Variants in RNF17 observed in about 807,000 individuals in gnomAD.
The protein encoded by RNF17 is spermatogenesis associated 23.
In RNF17, 31 loss-of-function variants were observed where a neutral mutation model predicts 200.5. The observed-to-expected ratio is 0.15, with a 90% confidence interval of 0.12 to 0.21. RNF17 has a LOEUF of 0.21. Among genes scored for constraint, RNF17 ranks in the 10% least tolerant of loss-of-function variants. RNF17 has a pLI of 1.00. For synonymous variants in RNF17, 606 were observed against 637.8 expected (o/e 0.95, Z 0.75); for missense variants, 1,628 against 1,905.1 (o/e 0.85, Z 2.71).
intron 33 of RNF17, among the ~76,000 whole-genome samples, chr13:24,875,319 A>G (rs894125465): frequency 3.9e-5 from 6 of 152,222 alleles, no homozygotes; most frequent in Admixed American, 2.6e-4. Flanking sequence ...ATAATGCCCC[A>G]AAGAAAGCAG....
intron 15 of RNF17, among the ~76,000 whole-genome samples, chr13:24,807,001 G>A (rs1174906963): frequency 1.3e-5 from 2 of 151,892 alleles, no homozygotes; most frequent in East Asian, 3.9e-4. Context: ...TGGCTGCATA[G>A]TATTCCATGG....
At chr13:24,843,144 C>T (rs1435303368) in intron 19 of RNF17, among the ~76,000 whole-genome samples, 5 of 152,154 alleles carry the variant, frequency 3.3e-5, no homozygotes, top group Non-Finnish European at 7.3e-5. Flanking sequence ...CACTCCCATG[C>T]TGGAGGAGCT....
intron 15 of RNF17, among the ~76,000 whole-genome samples, chr13:24,819,073 C>T (rs775995703): frequency 6.0e-4 from 91 of 152,012 alleles, no homozygotes; most frequent in Non-Finnish European, 1.3e-3. Context: ...TTATCTTAAC[C>T]ATTTTTTAGT....
intron 15 of RNF17, among the ~76,000 whole-genome samples, chr13:24,816,674 G>T (rs1162490293): frequency 6.6e-6 from 1 of 152,152 alleles, no homozygotes; most frequent in Non-Finnish European, 1.5e-5. Flanking sequence ...CTGCCTCTGT[G>T]TCTCACCTGA....
chr13:24,793,409 C>G (rs1884137271), intron 10 of RNF17, 63 bp downstream of exon 10: 1 of 1,412,948 alleles, frequency 7.1e-7, no homozygotes, highest in Admixed American at 2.3e-5. Context: ...ACAGTTGGTA[C>G]CTTTTTCGTC....
At chr13:24,878,075 G>A (rs1046201002) in intron 34 of RNF17, among the ~76,000 whole-genome samples, 4 of 152,208 alleles carry the variant, frequency 2.6e-5, no homozygotes, top group Non-Finnish European at 5.9e-5. Context: ...AACATGTGAT[G>A]TTCAGTTCAC....
chr13:24,775,594 A>G (rs1467995909), intron 3 of RNF17, among the ~76,000 whole-genome samples: 1 of 152,186 alleles, frequency 6.6e-6, no homozygotes, highest in Non-Finnish European at 1.5e-5. Flanking sequence ...ACAATGGAAG[A>G]CTTTGTGAAG....
chr13:24,862,403 G>T (rs1325728675), intron 27 of RNF17, among the ~76,000 whole-genome samples: 1 of 152,114 alleles, frequency 6.6e-6, no homozygotes, highest in African/African-American at 2.4e-5. Context: ...CACTGCATTG[G>T]CATATTGGTC....
At chr13:24,794,311 C>G in intron 10 of RNF17, 1 of 424,302 alleles carries the variant, frequency 2.4e-6, no homozygotes, top group Non-Finnish European at 4.6e-6. Flanking sequence ...TAGCTCTTAC[C>G]TAGTGTGAGG....
intron 32 of RNF17, among the ~76,000 whole-genome samples, chr13:24,872,586 A>C (rs1044580231): frequency 5.9e-5 from 9 of 152,302 alleles, no homozygotes; most frequent in Non-Finnish European, 1.0e-4. Context: ...TTAGGAATAC[A>C]AACATCAGTT....
chr13:24,882,654 A>G (rs1953893747), downstream of RNF17: 3 of 156,630 alleles, frequency 1.9e-5, no homozygotes, highest in South Asian at 1.9e-4. Context: ...TGTGTGACCT[A>G]TTTATATTCA....
intron 6 of RNF17, among the ~76,000 whole-genome samples, chr13:24,782,283 C>T (rs1882485607): frequency 6.6e-6 from 1 of 152,034 alleles, no homozygotes; most frequent in Non-Finnish European, 1.5e-5. Context: ...TTAAGTGATC[C>T]TGCCACCTCA....
chr13:24,819,428 T>G (rs889225914), intron 15 of RNF17, among the ~76,000 whole-genome samples: 3 of 152,344 alleles, frequency 2.0e-5, no homozygotes, highest in Non-Finnish European at 4.4e-5. Context: ...TCCCTTCATT[T>G]GTCAGTGGAC....
At chr13:24,874,025 C>T in intron 32 of RNF17, 89 bp from the exon 33 acceptor site, 1 of 1,314,736 alleles carries the variant, frequency 7.6e-7, no homozygotes, top group Non-Finnish European at 1.1e-6. Flanking sequence ...ACATGGGGTA[C>T]AAGTAGCCCT....
intron 16 of RNF17, 88 bp from the exon 17 acceptor site, chr13:24,830,396 T>G: frequency 5.5e-6 from 4 of 724,294 alleles, no homozygotes; most frequent in Non-Finnish European, 9.6e-6. Context: ...CTAAAAGTAT[T>G]CTAATCTAGT....
chr13:24,763,548 G>C (rs1348439466), upstream of RNF17, among the ~76,000 whole-genome samples: 1 of 151,884 alleles, frequency 6.6e-6, no homozygotes, highest in Admixed American at 6.6e-5. Context: ...CTCTAACACA[G>C]GTCCGGTACA....
At position 24,879,262 on chromosome 13, in the gene RNF17, G is replaced by A; in HGVS notation, c.4849G>A (p.Gly1617Arg). Residue 1617 changes from glycine to arginine, a missense_variant, in exon 35 of 36, where the codon GGG (glycine) becomes AGG (arginine). Gly to Arg is a moderately radical substitution (Grantham distance 125). Transcript: ENST00000255324. ...HPVHMPLVEMGLADKDE is the reference protein window; with the variant it reads ...HPVHMPLVEMRLADKDE ...AGTTCATATGCCGTTGGTAGAAATG[G>A]GGCTTGCAGATAAAGATGAATAAGT... 1 of 1,612,508 alleles carries A rather than the reference G, an allele frequency of 6.2e-7. No homozygotes were observed. Among genetic ancestry groups the A allele is most frequent in the East Asian group, 2.2e-5 (1 of 44,872 alleles).
In RNF17 at chr13:24,789,720, A is replaced by T. The variant is rs769722259; in HGVS notation, c.883A>T (p.Ile295Phe). 2 of 1,597,694 alleles carry T rather than the reference A, an allele frequency of 1.3e-6. No individual in the cohort carries two copies. The highest frequency in any genetic ancestry group is 1.7e-6 in the Non-Finnish European group (2 of 1,165,768). The part of the protein sequence containing the change: ...PPRLSVNCSE[I>F]ICMFNNMGKI... ...TAGGTTGAGTGTGAATTGCAGTGAG[A>T]TCATCTGTATGTTCAACAATATGGG... is the stretch of plus-strand genomic sequence containing the variant. The change falls in exon 9 of 36, where the codon ATC becomes TTC. Residue 295 changes from isoleucine (I) to phenylalanine (F), a missense_variant. By Grantham distance (21) the Ile-to-Phe change is conservative. Coordinates refer to ENST00000255324, the MANE Select transcript of RNF17 (RefSeq NM_031277.3).
At chr13:24,878,057 T>TA (rs1295027556) in intron 34 of RNF17, among the ~76,000 whole-genome samples, 1 of 152,174 alleles carries the variant, frequency 6.6e-6, no homozygotes, top group Non-Finnish European at 1.5e-5. Context: ...CACAGCCCCT[T>TA]AGATAGGAAC....
Sources: allele counts gnomAD v4.1 joint callset (sites outside exome capture counted in the v4.1 genomes callset), GRCh38; gene constraint gnomAD v4.1.1; transcripts MANE v1.5; gene names NCBI Gene and HGNC (gene_info 2026-07-23, HGNC 2026-07-21).